Variants in AGBL2 observed in about 807,000 individuals in gnomAD.
The protein encoded by AGBL2 is cytosolic carboxypeptidase 2.
In AGBL2, 87 loss-of-function variants were observed where a neutral mutation model predicts 103.0. The observed-to-expected ratio is 0.84, with a 90% CI of 0.71 to 1.01. AGBL2 has a LOEUF of 1.01. AGBL2 is among the 50% of genes least tolerant of loss of function. The probability of loss-of-function intolerance (pLI) is 0.00; values close to 1 mark genes in which losing one functional copy is unlikely to be tolerated. For missense variants in AGBL2, 904 were observed against 1,023.5 expected, an observed-to-expected ratio of 0.88 and a Z score of 1.59; for synonymous variants, 335 against 356.7, an observed-to-expected ratio of 0.94 and a Z score of 0.69.
chr11:47,704,480 C>T lies in AGBL2; in HGVS notation c.586+63G>A, dbSNP rs923570455. The T allele has an allele frequency of 6.7e-5, 83 of 1,233,680 alleles. No individual in the cohort carries two copies. In the Middle Eastern group the frequency reaches 8.8e-4, roughly 13 times the overall value. 76.4% of individuals were successfully genotyped at this position (1,233,680 alleles called of 1,614,324 possible). A position where few individuals can be genotyped will look rare whatever the true frequency, so the allele number is the denominator to read the frequency against. ...CCTGGGAAATAGAGTGAGACTTCGT[C>T]TCAAAAAAAAAAAAAAAAAAGTCAG... is the stretch of plus-strand genomic sequence containing the variant. On this transcript the variant is annotated intron_variant, in intron 7 of 18. Transcript: ENST00000525123.
intron 7 of AGBL2, among the ~76,000 whole-genome samples, chr11:47,701,427 G>GC (rs1451171450): frequency 1.4e-5 from 2 of 148,112 alleles, no homozygotes; most frequent in Admixed American, 1.4e-4. Flanking sequence ...CCGAGATTGT[G>GC]CCATTGCACT....
At chr11:47,699,299 ACTC>A in intron 8 of AGBL2, 144 bp downstream of exon 8, 1 of 467,970 alleles carries the variant, frequency 2.1e-6, no homozygotes, top group Middle Eastern at 5.7e-4. Context: ...ACTGGTTATG[ACTC>A]CTCCTCCAGG....
intron 17 of AGBL2, among the ~76,000 whole-genome samples, chr11:47,663,685 T>A (rs2097333724): frequency 6.6e-6 from 1 of 151,470 alleles, no homozygotes; most frequent in Non-Finnish European, 1.5e-5. Context: ...GCCTCCCAAG[T>A]AGCTGGGATT....
rs145092712 is a variant in AGBL2 at position 47,695,048 on chromosome 11, G to T, written c.695-2792C>A. Among the ~76,000 whole-genome samples the T allele has an allele frequency of 1.0e-3, 158 of 152,268 alleles. 1 individual carries two copies. The East Asian group carries it at 0.028, about 27-fold the overall frequency. On this transcript the variant is annotated intron_variant, in intron 8 of 18. Transcript: ENST00000525123. ...GCCTGTAATTCCAGCTACTCAGGAG[G>T]CTGAGGCAGGAGAATTGCTTGAACC...
At chr11:47,671,194 T>C (rs1043989782) in intron 14 of AGBL2, among the ~76,000 whole-genome samples, 1 of 152,018 alleles carries the variant, frequency 6.6e-6, no homozygotes, top group African/African-American at 2.4e-5. Flanking sequence ...AGAGCTGTTC[T>C]CTATGACAGG....
rs544781114 is a variant in AGBL2, at chr11:47,699,501, C to A, written c.639G>T (p.Lys213Asn). 2 of 1,610,542 alleles carry A rather than the reference C, an allele frequency of 1.2e-6. No individual in the cohort carries two copies. The highest frequency in any genetic ancestry group is 4.5e-5 in the East Asian group (2 of 44,678). ...TTTTCTCTCCTACAATCTCTGGTAC[C>A]TTTTCATTTCCTTTAGGCTGATAGA... ...EYFYQPKGNEKVPEIVGEKKG... is the reference protein window; with the variant it reads ...EYFYQPKGNENVPEIVGEKKG... Residue 213 changes from lysine to asparagine, a missense_variant, in exon 8 of 19, where the codon AAG becomes AAT. Lys to Asn is a moderately conservative substitution (Grantham distance 94, BLOSUM62 0). Coordinates refer to ENST00000525123, the MANE Select transcript of AGBL2 (RefSeq NM_024783.4).
chr11:47,670,638 C>T (rs1286941734), intron 14 of AGBL2, among the ~76,000 whole-genome samples: 1 of 151,022 alleles, frequency 6.6e-6, no homozygotes, highest in African/African-American at 2.4e-5. Context: ...GGAGGGATCA[C>T]TTGAGGCCAG....
rs1454723710 is a variant in AGBL2 at position 47,677,270 on chromosome 11, C to T, written c.2147+1G>A. 3 of 1,587,114 alleles carry T rather than the reference C, an allele frequency of 1.9e-6. No individual in the cohort carries two copies. The highest frequency in any genetic ancestry group is 1.2e-5 in the South Asian group (1 of 84,864). On this transcript the variant is annotated splice_donor_variant, in intron 14 of 18. Transcript: ENST00000525123. LOFTEE classifies it high-confidence loss of function. ...ACAAAACTCTGTTTTTTCTTTGTTA[C>T]CTGGATTCAATGTCAGACAAAGAGA...
intron 3 of AGBL2, among the ~76,000 whole-genome samples, chr11:47,712,145 G>A (rs1233328538): frequency 6.6e-6 from 1 of 152,174 alleles, no homozygotes; most frequent in Non-Finnish European, 1.5e-5. Flanking sequence ...CAGTACATAA[G>A]TACTTAGTTA....
At chr11:47,699,317 C>T (rs1385304208) in intron 8 of AGBL2, 129 bp downstream of exon 8, 1 of 500,092 alleles carries the variant, frequency 2.0e-6, no homozygotes, top group Non-Finnish European at 3.4e-6. Flanking sequence ...TCCAGGCTCC[C>T]ACTCATGTTG....
chr11:47,663,858 T>C (rs2097334246), intron 17 of AGBL2, among the ~76,000 whole-genome samples: 2 of 140,462 alleles, frequency 1.4e-5, no homozygotes, highest in African/African-American at 5.4e-5. Context: ...GCCCAGCCTA[T>C]AGTACTCTTT....
intron 17 of AGBL2, among the ~76,000 whole-genome samples, chr11:47,666,313 G>T (rs148329728): frequency 0.033 from 4,931 of 149,902 alleles, 268 homozygotes; most frequent in African/African-American, 0.11. Flanking sequence ...AGAATCACTT[G>T]AACCCAAGAG....
intron 8 of AGBL2, among the ~76,000 whole-genome samples, chr11:47,696,559 C>T (rs1031995886): frequency 1.3e-5 from 2 of 151,880 alleles, no homozygotes; most frequent in Non-Finnish European, 2.9e-5. Context: ...CTACCAGGCC[C>T]CAGGTGGGCC....
chr11:47,685,063 AG>A (rs71042700), intron 11 of AGBL2, among the ~76,000 whole-genome samples: 53,235 of 151,960 alleles, frequency 0.35, 10,530 homozygotes, highest in South Asian at 0.52. Flanking sequence ...AAAAAAATTT[AG>A]CCAGGCATGG....
At chr11:47,706,388 C>T (rs769639885) in intron 4 of AGBL2, among the ~76,000 whole-genome samples, 9 of 151,998 alleles carry the variant, frequency 5.9e-5, no homozygotes, top group South Asian at 2.1e-4. Context: ...TGGTGGCAGG[C>T]GCCTGTAGCT....
intron 7 of AGBL2, among the ~76,000 whole-genome samples, chr11:47,703,648 G>A (rs1044875903): frequency 2.6e-4 from 39 of 151,840 alleles, no homozygotes; most frequent in African/African-American, 8.9e-4. Flanking sequence ...AAACTAGCCG[G>A]GTGTGGTGGC....
At chr11:47,683,645 G>C (rs912388959) in intron 11 of AGBL2, among the ~76,000 whole-genome samples, 2 of 148,796 alleles carry the variant, frequency 1.3e-5, no homozygotes, top group Non-Finnish European at 3.0e-5. Context: ...GGTAGCTTGT[G>C]CCTGTAATCC....
At chr11:47,689,419 C>T (rs1004077829) in intron 10 of AGBL2, among the ~76,000 whole-genome samples, 2 of 151,786 alleles carry the variant, frequency 1.3e-5, no homozygotes, top group Admixed American at 1.3e-4. Context: ...ATTCTCCTGC[C>T]TCAGCCTCTT....
intron 6 of AGBL2, chr11:47,705,014 G>A (rs1306576635): frequency 8.2e-6 from 2 of 244,548 alleles, no homozygotes; most frequent in East Asian, 7.7e-5. Context: ...CATTTCAACA[G>A]TGGGTTACAA....
Sources: gnomAD v4.1 joint callset for allele counts (sites outside exome capture counted in the v4.1 genomes callset) on GRCh38, gnomAD v4.1.1 for gene constraint, MANE v1.5 for transcripts, NCBI Gene and HGNC (gene_info 2026-07-23, HGNC 2026-07-21) for gene names.